Variants in TRPM3 observed in about 807,000 individuals in gnomAD.
The protein encoded by TRPM3 is long transient receptor potential channel 3.
TRPM3 carries 77 observed loss-of-function variants against 181.2 expected under a neutral mutation model. The observed-to-expected ratio is 0.42, with a 90% CI of 0.35 to 0.51. TRPM3 has a LOEUF of 0.51. TRPM3 is among the 20% of genes least tolerant of loss of function. The pLI is 0.01. For missense variants in TRPM3, 1,759 were observed against 2,196.7 expected (o/e 0.80, Z 3.98); for synonymous variants, 745 against 796.4 (o/e 0.94, Z 1.09).
rs143468357 is a variant in TRPM3 at position 70,603,485 on chromosome 9, A to G, written c.2668-15T>C. Reference sequence around the variant, plus strand: ...ATATACGCCAGCTGTAAGGAGACACAATACAGTGCTCTGGCTGTTCAGGCC... The same window carrying G: ...ATATACGCCAGCTGTAAGGAGACACGATACAGTGCTCTGGCTGTTCAGGCC... On this transcript the variant is annotated splice_polypyrimidine_tract_variant and intron_variant, in intron 19 of 25. Transcript: ENST00000677713. 1.9e-4 allele frequency: 302 copies of G among 1,613,518 alleles called. 1 individual carries two copies. The African/African-American group carries it at 3.4e-3, about 18-fold the overall frequency.
At chr9:70,977,828 C>T (rs533982151) in intron 1 of TRPM3, among the ~76,000 whole-genome samples, 20 of 152,294 alleles carry the variant, frequency 1.3e-4, no homozygotes, top group African/African-American at 3.6e-4. Context: ...GGGCAAGGTA[C>T]GTGGGAAGTG....
intron 1 of TRPM3, among the ~76,000 whole-genome samples, chr9:71,242,638 C>T (rs569376037): frequency 6.6e-6 from 1 of 152,198 alleles, no homozygotes; most frequent in African/African-American, 2.4e-5. Flanking sequence ...ATTATTAGTA[C>T]TACTCCCATT....
At position 70,702,032 on chromosome 9, in the gene TRPM3, A is replaced by G. The variant is rs552272805; in HGVS notation, c.1273-20454T>C. Among the ~76,000 whole-genome samples, 7 of 120,172 alleles carry G rather than the reference A, an allele frequency of 5.8e-5. No individual in the cohort carries two copies. In the South Asian group the frequency reaches 2.3e-3, roughly 39 times the overall value. 78.8% of individuals were successfully genotyped at this position (120,172 alleles called of 152,430 possible). On this transcript the variant is annotated intron_variant, in intron 8 of 25. Coordinates refer to ENST00000677713, the MANE Select transcript of TRPM3 (RefSeq NM_001366145.2). Reference sequence around the variant, plus strand: ...GATTTTGTGGAGGGACAGAAGGGGAATGAGTGAAAGCCTCAATGAGGTCAG... The same window carrying G: ...GATTTTGTGGAGGGACAGAAGGGGAGTGAGTGAAAGCCTCAATGAGGTCAG...
At chr9:71,321,434 C>G (rs1010800270) in intron 1 of TRPM3, among the ~76,000 whole-genome samples, 1 of 152,032 alleles carries the variant, frequency 6.6e-6, no homozygotes, top group Non-Finnish European at 1.5e-5. Flanking sequence ...TTGCTTAGAC[C>G]ACTTAGTTAA....
chr9:71,233,541 AT>A (rs962590840), intron 1 of TRPM3, among the ~76,000 whole-genome samples: 17 of 152,356 alleles, frequency 1.1e-4, no homozygotes, highest in Admixed American at 3.3e-4. Context: ...AAACAAAAAA[AT>A]CATTATCTTA....
chr9:70,630,106 A>AACTT (rs2065534292), intron 12 of TRPM3, among the ~76,000 whole-genome samples: 1 of 151,940 alleles, frequency 6.6e-6, no homozygotes, highest in Admixed American at 6.6e-5. Flanking sequence ...GGTAGAGGGG[A>AACTT]ACTTATGGAT....
chr9:71,023,457 A>G (rs1337847278), intron 1 of TRPM3, among the ~76,000 whole-genome samples: 1 of 152,204 alleles, frequency 6.6e-6, no homozygotes, highest in Non-Finnish European at 1.5e-5. Flanking sequence ...CAGCTATTAT[A>G]TAGACTAACA....
At chr9:71,165,533 G>A (rs950902158) in intron 1 of TRPM3, among the ~76,000 whole-genome samples, 2 of 152,046 alleles carry the variant, frequency 1.3e-5, no homozygotes, top group African/African-American at 2.4e-5. Context: ...GTATAACAAC[G>A]TGCCACCAGG....
intron 12 of TRPM3, among the ~76,000 whole-genome samples, chr9:70,633,547 A>G (rs1397852095): frequency 6.6e-6 from 1 of 152,180 alleles, no homozygotes; most frequent in Non-Finnish European, 1.5e-5. Context: ...AAAATCCTTC[A>G]TTAAGGTGGT....
At chr9:71,398,455 G>C (rs1396792663) in intron 1 of TRPM3, among the ~76,000 whole-genome samples, 1 of 152,168 alleles carries the variant, frequency 6.6e-6, no homozygotes, top group Non-Finnish European at 1.5e-5. Flanking sequence ...TCCCAATGTT[G>C]GGGGAGGGAC....
chr9:71,059,011 A>ATTTTTTTTTTTT lies in TRPM3; in HGVS notation c.177+62155_177+62166dup, dbSNP rs1162577364. Reference sequence around the variant, plus strand: ...ATTTCTCTGAAGTTTTTGTTTGTTCATTTTTTTTTTTTTTTTTTTTTTTTT... The same window carrying ATTTTTTTTTTTT: ...ATTTCTCTGAAGTTTTTGTTTGTTCATTTTTTTTTTTTTTTTTTTTTTTTTTTTTTTTTTTTT... On this transcript the variant is annotated intron_variant, in intron 1 of 25. Coordinates refer to ENST00000677713, the MANE Select transcript of TRPM3 (RefSeq NM_001366145.2). Among the ~76,000 whole-genome samples the ATTTTTTTTTTTT allele has an allele frequency of 4.9e-4, 26 of 52,638 alleles. 7 individuals carry two copies. The highest frequency in any genetic ancestry group is 1.5e-3 in the Admixed American group (4 of 2,636). 34.5% of individuals were successfully genotyped at this position (52,638 alleles called of 152,430 possible). A position where few individuals can be genotyped will look rare whatever the true frequency, so the allele number is the denominator to read the frequency against.
chr9:70,907,131 CTA>C (rs1457490511), intron 1 of TRPM3, among the ~76,000 whole-genome samples: 2 of 152,140 alleles, frequency 1.3e-5, no homozygotes, highest in African/African-American at 2.4e-5. Context: ...TCCACTGATT[CTA>C]TATGTTTAAA....
At chr9:70,684,913 A>G (rs185643930) in intron 8 of TRPM3, among the ~76,000 whole-genome samples, 2 of 152,304 alleles carry the variant, frequency 1.3e-5, no homozygotes, top group East Asian at 3.9e-4. Context: ...TTTCCCCTTC[A>G]TGTTGCAGAT....
intron 1 of TRPM3, among the ~76,000 whole-genome samples, chr9:71,380,961 A>G (rs1056968811): frequency 6.6e-6 from 1 of 151,880 alleles, no homozygotes. Context: ...CGACGACAAA[A>G]TGAAGATCTG....
intron 3 of TRPM3, among the ~76,000 whole-genome samples, chr9:70,852,962 A>AT (rs1249000966): frequency 1.3e-5 from 2 of 152,080 alleles, no homozygotes; most frequent in Admixed American, 6.5e-5. Context: ...ATATATATAT[A>AT]TTTTTTTCTG....
chr9:70,837,768 G>T (rs973460472), intron 5 of TRPM3, among the ~76,000 whole-genome samples: 5 of 152,134 alleles, frequency 3.3e-5, no homozygotes, highest in Non-Finnish European at 7.3e-5. Flanking sequence ...CAAAGAAAGG[G>T]GCTCCGGTCA....
chr9:71,035,046 A>G (rs1319094540), intron 1 of TRPM3, among the ~76,000 whole-genome samples: 3 of 152,120 alleles, frequency 2.0e-5, no homozygotes, highest in Admixed American at 2.0e-4. Context: ...AACTAATCCC[A>G]TCCTGTTGGA....
intron 1 of TRPM3, among the ~76,000 whole-genome samples, chr9:71,146,605 A>G (rs970482201): frequency 3.9e-5 from 6 of 152,088 alleles, no homozygotes; most frequent in Non-Finnish European, 7.4e-5. Flanking sequence ...TTGTCCTAAC[A>G]TACATCCTTC....
chr9:70,697,981 G>T (rs2071105758), intron 8 of TRPM3, among the ~76,000 whole-genome samples: 1 of 152,120 alleles, frequency 6.6e-6, no homozygotes, highest in South Asian at 2.1e-4. Flanking sequence ...GCCGAGGAGG[G>T]TAGATCACCT....
Sources: allele counts gnomAD v4.1 joint callset (sites outside exome capture counted in the v4.1 genomes callset), GRCh38; gene constraint gnomAD v4.1.1; transcripts MANE v1.5; gene names NCBI Gene and HGNC (gene_info 2026-07-23, HGNC 2026-07-21).